Variants in CDH13 observed in about 807,000 individuals in gnomAD.
CDH13 encodes the protein cadherin-13.
In CDH13, 24 loss-of-function variants were observed where a neutral mutation model predicts 63.8. The observed-to-expected ratio is 0.38, with a 90% CI of 0.27 to 0.53. CDH13 has a LOEUF of 0.53. CDH13 is among the 20% of genes least tolerant of loss of function. The pLI, the probability that CDH13 is intolerant of heterozygous loss-of-function variation, is 0.85. For synonymous variants in CDH13, 503 were observed against 355.3 expected, an observed-to-expected ratio of 1.42 and a Z score of -4.67; for missense variants, 1,049 against 903.1, an observed-to-expected ratio of 1.16 and a Z score of -2.07.
intron 3 of CDH13, among the ~76,000 whole-genome samples, chr16:83,061,654 C>G (rs1209602186): frequency 6.6e-6 from 1 of 152,178 alleles, no homozygotes; most frequent in Admixed American, 6.5e-5. Context: ...TCATGCTGCT[C>G]TTTGCACTGC....
At chr16:83,714,324 T>C (rs1259840926) in intron 10 of CDH13, among the ~76,000 whole-genome samples, 12 of 152,156 alleles carry the variant, frequency 7.9e-5, no homozygotes, top group Non-Finnish European at 1.8e-4. Flanking sequence ...TAGAAATACT[T>C]AATAGAAATG....
intron 2 of CDH13, among the ~76,000 whole-genome samples, chr16:82,891,560 C>T (rs191802646): frequency 7.9e-5 from 12 of 152,322 alleles, no homozygotes; most frequent in African/African-American, 2.4e-4. Flanking sequence ...TCCAACTGCT[C>T]ATGCACTTAT....
chr16:83,012,778 G>C (rs989671080), intron 2 of CDH13, among the ~76,000 whole-genome samples: 3 of 152,110 alleles, frequency 2.0e-5, no homozygotes, highest in African/African-American at 2.4e-5. Context: ...TTCTCTGTAA[G>C]TGCTTGTCCA....
intron 4 of CDH13, among the ~76,000 whole-genome samples, chr16:83,182,153 C>A (rs533746374): frequency 6.6e-6 from 1 of 152,272 alleles, no homozygotes; most frequent in Non-Finnish European, 1.5e-5. Flanking sequence ...GCAATTTTAC[C>A]TGATGCATTT....
chr16:83,194,123 T>C (rs2038805569), intron 4 of CDH13, among the ~76,000 whole-genome samples: 1 of 152,254 alleles, frequency 6.6e-6, no homozygotes, highest in African/African-American at 2.4e-5. Flanking sequence ...TTTGCGAATA[T>C]GAAGAATGGT....
At chr16:82,646,584 G>T (rs574626677) in intron 1 of CDH13, among the ~76,000 whole-genome samples, 1 of 152,288 alleles carries the variant, frequency 6.6e-6, no homozygotes, top group East Asian at 1.9e-4. Flanking sequence ...GGTCACAGGA[G>T]GCCAAGGTTG....
chr16:82,923,810 A>G (rs1473045151), intron 2 of CDH13, among the ~76,000 whole-genome samples: 1 of 152,172 alleles, frequency 6.6e-6, no homozygotes, highest in Non-Finnish European at 1.5e-5. Flanking sequence ...GTCTGAATTA[A>G]TTGCATTTGA....
chr16:83,595,968 T>A (rs895542792), intron 7 of CDH13, among the ~76,000 whole-genome samples: 1 of 152,240 alleles, frequency 6.6e-6, no homozygotes, highest in Non-Finnish European at 1.5e-5. Flanking sequence ...CTCCAGTCCT[T>A]GGCAGCCAAG....
intron 6 of CDH13, among the ~76,000 whole-genome samples, chr16:83,420,974 CTT>C (rs1462089958): frequency 6.6e-6 from 1 of 152,182 alleles, no homozygotes; most frequent in Non-Finnish European, 1.5e-5. Context: ...CTTCTGCCTG[CTT>C]TGTTCTAGCC....
At chr16:83,013,393 G>A (rs533667235) in intron 2 of CDH13, among the ~76,000 whole-genome samples, 6 of 152,182 alleles carry the variant, frequency 3.9e-5, no homozygotes, top group Non-Finnish European at 7.3e-5. Context: ...CAGCATCTCA[G>A]TTAGGCCCAC....
intron 5 of CDH13, among the ~76,000 whole-genome samples, chr16:83,239,925 T>C (rs1337809824): frequency 6.6e-6 from 1 of 152,148 alleles, no homozygotes; most frequent in East Asian, 1.9e-4. Context: ...TGATCAGAGA[T>C]GGCCTTTCTG....
rs71404103 is a variant in CDH13 at position 83,675,663 on chromosome 16, T to G, written c.1285-2545T>G. ...TTACAACAATCCTCTGTACTAGGAT[T>G]TTATTGAAGAGACAGCTGAGACTTC... On this transcript the variant is annotated intron_variant, in intron 9 of 13. Coordinates refer to ENST00000567109, the MANE Select transcript of CDH13 (RefSeq NM_001257.5). Among the ~76,000 whole-genome samples the G allele has an allele frequency of 3.9e-3, 589 of 152,326 alleles. 1 individual carries two copies. In the Middle Eastern group the frequency reaches 0.041, roughly 11 times the overall value.
intron 8 of CDH13, among the ~76,000 whole-genome samples, chr16:83,618,767 A>G (rs1598377455): frequency 6.6e-6 from 1 of 152,126 alleles, no homozygotes; most frequent in South Asian, 2.1e-4. Flanking sequence ...AGAAAACTCA[A>G]TGTTAATAAA....
At position 83,118,768 on chromosome 16, in the gene CDH13, C is replaced by T. The variant is rs190782311; in HGVS notation, c.367-6617C>T. On this transcript the variant is annotated intron_variant, in intron 3 of 13. Transcript: ENST00000567109. ...CAGATGAGAAAATTTCCTTCAACCCCTCTGTGTCCTGTCTCGAGGGGAGCA... is the reference window on the plus strand; with the variant it reads ...CAGATGAGAAAATTTCCTTCAACCCTTCTGTGTCCTGTCTCGAGGGGAGCA... Among the ~76,000 whole-genome samples the T allele has an allele frequency of 3.3e-5, 5 of 152,208 alleles. No individual in the cohort carries two copies. The East Asian group carries it at 9.7e-4, about 29-fold the overall frequency.
At chr16:83,791,812 A>T (rs1367881546) in intron 13 of CDH13, among the ~76,000 whole-genome samples, 2 of 11,094 alleles carry the variant, frequency 1.8e-4, no homozygotes, top group African/African-American at 5.1e-4. Flanking sequence ...CTTTGTCTCC[A>T]AAAAAAAAAA....
intron 2 of CDH13, among the ~76,000 whole-genome samples, chr16:82,866,795 AG>A (rs2040164050): frequency 1.3e-5 from 2 of 152,178 alleles, no homozygotes; most frequent in Admixed American, 1.3e-4. Flanking sequence ...AGAAGTGCCG[AG>A]ATAAGGGGGA....
intron 8 of CDH13, among the ~76,000 whole-genome samples, chr16:83,633,953 A>G (rs563962405): frequency 1.3e-5 from 2 of 152,332 alleles, no homozygotes; most frequent in South Asian, 2.1e-4. Context: ...GGCTCACAGA[A>G]GTTGCAAAAA....
chr16:83,765,344 A>G (rs1280593309), intron 11 of CDH13, among the ~76,000 whole-genome samples: 3 of 152,228 alleles, frequency 2.0e-5, no homozygotes, highest in Admixed American at 2.0e-4. Context: ...ATGGAAAAAA[A>G]AACCAAAAAG....
At chr16:82,790,569 C>G (rs1250895085) in intron 1 of CDH13, among the ~76,000 whole-genome samples, 1 of 152,156 alleles carries the variant, frequency 6.6e-6, no homozygotes, top group Non-Finnish European at 1.5e-5. Context: ...TATCCTGCGT[C>G]CCATAGTAGG....
Sources: allele counts gnomAD v4.1 joint callset (sites outside exome capture counted in the v4.1 genomes callset), GRCh38; gene constraint gnomAD v4.1.1; transcripts MANE v1.5; gene names NCBI Gene and HGNC (gene_info 2026-07-23, HGNC 2026-07-21).